TENM4: variants seen among roughly 807,000 people sequenced by gnomAD.
TENM4 encodes the protein teneurin transmembrane protein 4.
TENM4 carries 82 observed loss-of-function variants against 243.3 expected under a neutral mutation model. The ratio of observed to expected loss-of-function variants is 0.34; its 90% CI spans 0.28 to 0.40. The LOEUF (loss-of-function observed/expected upper bound fraction) is 0.40, where lower values mean the gene tolerates loss of function less well. Among genes scored for constraint, TENM4 ranks in the 10% least tolerant of loss-of-function variants. The probability of loss-of-function intolerance (pLI) is 1.00; values close to 1 mark genes in which losing one functional copy is unlikely to be tolerated. For synonymous variants in TENM4, 1,412 were observed against 1,456.3 expected (o/e 0.97, Z 0.69); for missense variants, 3,138 against 3,673.3 (o/e 0.85, Z 3.77).
chr11:78,893,231 G>A (rs1855707472), intron 7 of TENM4, among the ~76,000 whole-genome samples: 1 of 152,218 alleles, frequency 6.6e-6, no homozygotes, highest in African/African-American at 2.4e-5. Context: ...TCCATCACCA[G>A]GCAGATAACC....
At chr11:79,421,867 T>C (rs1477351802) in intron 1 of TENM4, among the ~76,000 whole-genome samples, 1 of 152,120 alleles carries the variant, frequency 6.6e-6, no homozygotes, top group Admixed American at 6.6e-5. Flanking sequence ...AGAGTCCAGT[T>C]CATTCCCTCC....
intron 4 of TENM4, among the ~76,000 whole-genome samples, chr11:79,138,430 T>A (rs1341054391): frequency 2.6e-5 from 3 of 115,860 alleles, no homozygotes; most frequent in Admixed American, 1.1e-4. Context: ...ATATTATATA[T>A]AAATATATAT....
intron 9 of TENM4, among the ~76,000 whole-genome samples, chr11:78,873,280 A>C (rs1306085753): frequency 6.6e-6 from 1 of 152,236 alleles, no homozygotes; most frequent in Non-Finnish European, 1.5e-5. Context: ...TAGGAAGTTT[A>C]AGGCAGTAAG....
chr11:78,940,027 A>G (rs998016398), intron 6 of TENM4, among the ~76,000 whole-genome samples: 1 of 152,196 alleles, frequency 6.6e-6, no homozygotes, highest in Non-Finnish European at 1.5e-5. Context: ...TGTATAAAAG[A>G]AAAAAGTACA....
intron 15 of TENM4, among the ~76,000 whole-genome samples, chr11:78,793,379 C>T (rs1857098334): frequency 6.6e-6 from 1 of 152,132 alleles, no homozygotes; most frequent in Admixed American, 6.5e-5. Context: ...CTCCCCGGGA[C>T]CTCCTGGGAA....
intron 1 of TENM4, among the ~76,000 whole-genome samples, chr11:79,307,454 G>T (rs879666813): frequency 6.6e-6 from 1 of 152,076 alleles, no homozygotes; most frequent in Non-Finnish European, 1.5e-5. Context: ...TTTGAGTCCT[G>T]CTGGTTCTAA....
chr11:78,672,452 C>T (rs946825356), intron 30 of TENM4, 123 bp from the exon 31 acceptor site: 16 of 1,004,810 alleles, frequency 1.6e-5, no homozygotes, highest in Admixed American at 1.3e-4. Flanking sequence ...CACAGTCCTG[C>T]GCAGCAACAG....
chr11:78,773,805 CA>C (rs1856689371), intron 17 of TENM4, among the ~76,000 whole-genome samples: 1 of 152,186 alleles, frequency 6.6e-6, no homozygotes, highest in African/African-American at 2.4e-5. Context: ...GACAGTGAGA[CA>C]ATGACAGCTG....
chr11:79,132,145 A>C (rs533157421), intron 4 of TENM4, among the ~76,000 whole-genome samples: 1 of 151,450 alleles, frequency 6.6e-6, no homozygotes, highest in Non-Finnish European at 1.5e-5. Context: ...GATCGAGACC[A>C]CCCTGGCTAA....
At chr11:78,906,582 C>T (rs923982403) in intron 6 of TENM4, among the ~76,000 whole-genome samples, 1 of 152,180 alleles carries the variant, frequency 6.6e-6, no homozygotes, top group African/African-American at 2.4e-5. Flanking sequence ...AGGAAATTCT[C>T]CTATGGGGAC....
intron 1 of TENM4, among the ~76,000 whole-genome samples, chr11:79,380,448 A>G (rs570234616): frequency 1.3e-5 from 2 of 152,320 alleles, no homozygotes; most frequent in South Asian, 2.1e-4. Context: ...TTGGGGGCCC[A>G]CTTGCTGAGT....
chr11:79,142,351 A>G (rs1311820099), intron 4 of TENM4, among the ~76,000 whole-genome samples: 2 of 152,144 alleles, frequency 1.3e-5, no homozygotes, highest in Non-Finnish European at 2.9e-5. Context: ...ACAATCAGAA[A>G]AAAAAATTAA....
intron 12 of TENM4, among the ~76,000 whole-genome samples, chr11:78,822,529 C>T (rs1857755705): frequency 6.6e-6 from 1 of 152,052 alleles, no homozygotes; most frequent in Non-Finnish European, 1.5e-5. Context: ...TCCATGAGAA[C>T]ACATGGATAC....
At chr11:79,160,992 C>T (rs535446) in intron 3 of TENM4, among the ~76,000 whole-genome samples, 1 of 151,966 alleles carries the variant, frequency 6.6e-6, no homozygotes, top group Admixed American at 6.6e-5. Context: ...ACTTCCTCTT[C>T]CACCACCTAC....
intron 3 of TENM4, among the ~76,000 whole-genome samples, chr11:79,173,304 C>A (rs1403721199): frequency 2.0e-5 from 3 of 152,046 alleles, no homozygotes; most frequent in Non-Finnish European, 4.4e-5. Context: ...TTCTTGTGAG[C>A]CATCTTGCCC....
At chr11:79,276,611 C>G (rs1291463236) in intron 2 of TENM4, among the ~76,000 whole-genome samples, 1 of 152,160 alleles carries the variant, frequency 6.6e-6, no homozygotes, top group African/African-American at 2.4e-5. Flanking sequence ...GAAGACACAG[C>G]CAGAAACATG....
At chr11:78,964,896 G>C (rs949307257) in intron 6 of TENM4, among the ~76,000 whole-genome samples, 2 of 151,722 alleles carry the variant, frequency 1.3e-5, no homozygotes, top group African/African-American at 4.8e-5. Context: ...TTTTTTGACA[G>C]GGTCTCTGTC....
intron 6 of TENM4, among the ~76,000 whole-genome samples, chr11:79,041,223 C>T (rs1331460017): frequency 6.6e-6 from 1 of 152,072 alleles, no homozygotes; most frequent in Non-Finnish European, 1.5e-5. Context: ...GCCACTGCAC[C>T]TGGCTAATTT....
chr11:79,334,140 A>G (rs487552), intron 1 of TENM4, among the ~76,000 whole-genome samples: 65,656 of 152,154 alleles, frequency 0.43, 14,478 homozygotes, highest in South Asian at 0.61. Context: ...TGAGAGCCCC[A>G]ACAAAAACAA....
Sources: allele counts gnomAD v4.1 joint callset (sites outside exome capture counted in the v4.1 genomes callset), GRCh38; gene constraint gnomAD v4.1.1; transcripts MANE v1.5; gene names NCBI Gene and HGNC (gene_info 2026-07-23, HGNC 2026-07-21).